The following TOX variants were observed in gnomAD, a reference collection of about 807,000 sequenced individuals.
TOX encodes thymocyte selection-associated high mobility group box protein TOX.
TOX carries 11 observed loss-of-function variants against 53.7 expected under a neutral mutation model. The observed-to-expected ratio is 0.20, with a 90% CI of 0.13 to 0.34. The LOEUF (loss-of-function observed/expected upper bound fraction) is 0.34, where lower values mean the gene tolerates loss of function less well. Ranked by LOEUF, TOX falls within the 10% of genes least tolerant of loss-of-function variation. TOX has a pLI of 1.00. For synonymous variants in TOX, 225 were observed against 245.3 expected (o/e 0.92, Z 0.77); for missense variants, 570 against 664.6 (o/e 0.86, Z 1.56).
chr8:58,910,972 C>T (rs1811899895), intron 3 of TOX, among the ~76,000 whole-genome samples: 1 of 152,116 alleles, frequency 6.6e-6, no homozygotes, highest in African/African-American at 2.4e-5. Context: ...TAAAGTTATT[C>T]CTATATTTAA....
intron 2 of TOX, among the ~76,000 whole-genome samples, 186 bp from the exon 3 acceptor site, chr8:58,939,730 A>T (rs1424501059): frequency 1.3e-5 from 2 of 152,262 alleles, no homozygotes; most frequent in Non-Finnish European, 2.9e-5. Flanking sequence ...CCTCAAAGGC[A>T]GATCCACTTC....
chr8:58,880,213 T>C (rs867900352), intron 3 of TOX, among the ~76,000 whole-genome samples: 4 of 152,266 alleles, frequency 2.6e-5, no homozygotes, highest in Middle Eastern at 3.4e-3. Flanking sequence ...TGCCTGGATG[T>C]CAGTGCTCTG....
At chr8:58,986,633 G>A (rs571139928) in intron 1 of TOX, among the ~76,000 whole-genome samples, 1 of 152,320 alleles carries the variant, frequency 6.6e-6, no homozygotes, top group Admixed American at 6.5e-5. Context: ...GTCACGTATT[G>A]TGCTCCAGCA....
At chr8:59,056,431 GAAAAAAAAAAA>G (rs397697554) in intron 1 of TOX, among the ~76,000 whole-genome samples, 2 of 56,296 alleles carry the variant, frequency 3.6e-5, no homozygotes, top group African/African-American at 9.0e-5. Context: ...GGCCCTCTCC[GAAAAAAAAAAA>G]AAAAAAAAAA....
intron 1 of TOX, among the ~76,000 whole-genome samples, chr8:59,039,212 G>A (rs2129420566): frequency 6.6e-6 from 1 of 152,310 alleles, no homozygotes; most frequent in South Asian, 2.1e-4. Context: ...GAGCCAGCCC[G>A]ATTAAGCAAA....
chr8:58,813,168 T>C (rs1810112654), intron 7 of TOX, among the ~76,000 whole-genome samples: 1 of 152,206 alleles, frequency 6.6e-6, no homozygotes, highest in Non-Finnish European at 1.5e-5. Context: ...AGATTCTATA[T>C]GGAAAGACAA....
chr8:58,852,668 T>A (rs1256074095), intron 3 of TOX, among the ~76,000 whole-genome samples: 2 of 152,166 alleles, frequency 1.3e-5, no homozygotes, highest in East Asian at 3.8e-4. Flanking sequence ...ATTTTCAAAC[T>A]TAAAATAATG....
At chr8:58,901,086 A>C (rs1452758488) in intron 3 of TOX, among the ~76,000 whole-genome samples, 1 of 152,082 alleles carries the variant, frequency 6.6e-6, no homozygotes, top group Non-Finnish European at 1.5e-5. Flanking sequence ...CAAATATTTT[A>C]TTTCTTCCTT....
At chr8:58,826,945 C>T in intron 5 of TOX, 43 bp from the exon 6 acceptor site, 2 of 1,569,522 alleles carry the variant, frequency 1.3e-6, no homozygotes, top group African/African-American at 2.7e-5. Context: ...AGTGCATTTG[C>T]TTTTGTTTTC....
intron 3 of TOX, among the ~76,000 whole-genome samples, chr8:58,882,235 G>T (rs1042739679): frequency 6.6e-6 from 1 of 152,214 alleles, no homozygotes; most frequent in African/African-American, 2.4e-5. Flanking sequence ...GTAACAAGAA[G>T]ATCATCCTAA....
intron 3 of TOX, among the ~76,000 whole-genome samples, chr8:58,873,958 C>CTTTTTTTTTTTTTTTTTTTTGTTTTTT (rs1811240487): frequency 2.5e-5 from 1 of 40,128 alleles, no homozygotes; most frequent in Non-Finnish European, 3.9e-5. Flanking sequence ...TGCCAGGAAG[C>CTTTTTTTTTTTTTTTTTTTTGTTTTTT]TTTTTTTTTT....
chr8:59,061,360 G>T (rs926293523), intron 1 of TOX, among the ~76,000 whole-genome samples: 70 of 152,176 alleles, frequency 4.6e-4, no homozygotes, highest in African/African-American at 1.7e-3. Flanking sequence ...TTGATGAAAA[G>T]ATTGTATGGA....
chr8:59,078,389 G>A (rs1264907995), intron 1 of TOX, among the ~76,000 whole-genome samples: 1 of 152,180 alleles, frequency 6.6e-6, no homozygotes, highest in Non-Finnish European at 1.5e-5. Flanking sequence ...GATCCCTCAT[G>A]GCTTGGTGCT....
intron 1 of TOX, among the ~76,000 whole-genome samples, chr8:59,051,122 G>T (rs4737533): frequency 0.95 from 144,529 of 152,178 alleles, 68,694 homozygotes; most frequent in African/African-American, 0.98. Context: ...CCCGAACATA[G>T]GACATCAACA....
intron 3 of TOX, among the ~76,000 whole-genome samples, chr8:58,881,165 G>A (rs759103635): frequency 1.3e-5 from 2 of 152,054 alleles, no homozygotes; most frequent in Non-Finnish European, 2.9e-5. Flanking sequence ...TAATGAAAAT[G>A]ACAAAGATTT....
At chr8:59,103,197 A>G (rs544561090) in intron 1 of TOX, among the ~76,000 whole-genome samples, 1 of 152,344 alleles carries the variant, frequency 6.6e-6, no homozygotes, top group South Asian at 2.1e-4. Context: ...TTAGACTAAG[A>G]TAAAATACTT....
At chr8:59,097,064 G>A (rs1055550485) in intron 1 of TOX, among the ~76,000 whole-genome samples, 1 of 152,126 alleles carries the variant, frequency 6.6e-6, no homozygotes, top group Non-Finnish European at 1.5e-5. Flanking sequence ...GGGACTCATT[G>A]GTGACTGGAG....
At chr8:58,950,812 G>A (rs1812609615) in intron 2 of TOX, among the ~76,000 whole-genome samples, 1 of 152,130 alleles carries the variant, frequency 6.6e-6, no homozygotes. Context: ...AGTGGAGTGT[G>A]GAGGGAAAGG....
In TOX at chr8:59,025,550, T is replaced by C. The variant is rs867008328; in HGVS notation, c.103-65542A>G. 2.0e-5 allele frequency among the ~76,000 whole-genome samples: 3 copies of C among 152,148 alleles called. No homozygotes were observed. In the South Asian group the frequency reaches 6.2e-4, roughly 32 times the overall value. ...CAACCTACACTTCTAGCCTTCTCTATAGCCATTCTAACCTGATAAATGCCA... is the reference window on the plus strand; with the variant it reads ...CAACCTACACTTCTAGCCTTCTCTACAGCCATTCTAACCTGATAAATGCCA... On this transcript the variant is annotated intron_variant, in intron 1 of 8. Coordinates refer to ENST00000361421, the MANE Select transcript of TOX (RefSeq NM_014729.3).
Sources: gnomAD v4.1 joint callset for allele counts (sites outside exome capture counted in the v4.1 genomes callset) on GRCh38, gnomAD v4.1.1 for gene constraint, MANE v1.5 for transcripts, NCBI Gene and HGNC (gene_info 2026-07-23, HGNC 2026-07-21) for gene names.